The following MYO9A variants were observed in gnomAD, a reference collection of about 807,000 sequenced individuals.
The protein encoded by MYO9A is myosin IXA, also known as unconventional myosin-IXa.
Under a neutral mutation model 293.3 loss-of-function variants are expected in MYO9A, and 103 were observed. The ratio of observed to expected loss-of-function variants is 0.35; its 90% confidence interval spans 0.30 to 0.41. The LOEUF (loss-of-function observed/expected upper bound fraction) is 0.41. MYO9A is among the 10% of genes least tolerant of loss of function. The probability of loss-of-function intolerance (pLI) is 1.00; values close to 1 mark genes in which losing one functional copy is unlikely to be tolerated. For synonymous variants in MYO9A, 1,001 were observed against 1,035.7 expected, an observed-to-expected ratio of 0.97 and a Z score of 0.64; for missense variants, 2,685 against 3,033.0, an observed-to-expected ratio of 0.89 and a Z score of 2.69.
intron 1 of MYO9A, among the ~76,000 whole-genome samples, chr15:72,049,657 T>C (rs2078494993): frequency 6.6e-6 from 1 of 152,208 alleles, no homozygotes; most frequent in Non-Finnish European, 1.5e-5. Flanking sequence ...CAGCATGAGA[T>C]TGTCATAGAA....
rs372196821 is a variant in MYO9A, at chr15:71,918,495, C to A, written c.2563-2003G>T. 2.3e-4 allele frequency among the ~76,000 whole-genome samples: 35 copies of A among 149,918 alleles called. 1 individual carries two copies. In the South Asian group the frequency reaches 3.0e-3, roughly 13 times the overall value. On this transcript the variant is annotated intron_variant, in intron 18 of 41. Transcript: ENST00000356056. ...GAAAATATTTGTAAGCACTATTGAT[C>A]AAAAAAAAAGCCATGTAAAACAACA...
At position 71,880,343 on chromosome 15, in the gene MYO9A, G is replaced by A. The variant is rs1337081619; in HGVS notation, c.5614C>T (p.Leu1872=). The change falls in exon 29 of 42, where the codon CTG becomes TTG. Residue 1872 remains leucine (L), a synonymous_variant. Coordinates refer to ENST00000356056, the MANE Select transcript of MYO9A (RefSeq NM_006901.4). ...TGGCAAATAAAGTGTACCTTTTTCA[G>A]AAGAAATTCATCCATGCTTTTTAAA... is the stretch of plus-strand genomic sequence containing the variant. The part of the protein sequence containing the change: ...SDLKSMDEFL[L]KKVNDLDNED... The A allele has an allele frequency of 6.2e-7, 1 of 1,614,054 alleles. No homozygotes were observed. The highest frequency in any genetic ancestry group is 1.1e-5 in the South Asian group (1 of 91,076).
intron 11 of MYO9A, among the ~76,000 whole-genome samples, chr15:71,990,061 G>A (rs1169254501): frequency 6.7e-6 from 1 of 149,402 alleles, no homozygotes; most frequent in East Asian, 2.0e-4. Context: ...AAACAACAAA[G>A]GTGCAATCAA....
chr15:71,827,910 G>T lies in MYO9A; in HGVS notation c.7157C>A (p.Ser2386Tyr), dbSNP rs1362634926. 2 of 1,613,640 alleles carry T rather than the reference G, an allele frequency of 1.2e-6. No homozygotes were observed. The highest frequency in any genetic ancestry group is 3.3e-5 in the Admixed American group (2 of 59,968). Reference sequence around the variant, plus strand: ...TGATTTCTCAGAGATAGCATATTCAGACTCCATATTCAAATTCTCTGAGCT... The same window carrying T: ...TGATTTCTCAGAGATAGCATATTCATACTCCATATTCAAATTCTCTGAGCT... ...ADSSENLNMESEYAISEKSER... is the reference protein window; with the variant it reads ...ADSSENLNMEYEYAISEKSER... The change falls in exon 41 of 42, where the codon TCT (serine) becomes TAT (tyrosine). Residue 2386 changes from serine (S) to tyrosine (Y), a missense_variant. Physicochemically the swap from Ser to Tyr is moderately radical, Grantham distance 144. This residue lies in a region of MYO9A where 350 missense variants were observed against 328.9 expected (regional missense o/e 1.06). Coordinates refer to ENST00000356056, the MANE Select transcript of MYO9A (RefSeq NM_006901.4).
chr15:71,982,670 C>T (rs1283983887), intron 11 of MYO9A, among the ~76,000 whole-genome samples: 1 of 152,258 alleles, frequency 6.6e-6, no homozygotes, highest in Non-Finnish European at 1.5e-5. Context: ...GCACTAATCT[C>T]ATCTTCTAGA....
At chr15:71,887,346 A>T (rs2057050202) in intron 27 of MYO9A, among the ~76,000 whole-genome samples, 1 of 152,168 alleles carries the variant, frequency 6.6e-6, no homozygotes, top group South Asian at 2.1e-4. Context: ...TTTTTAAGCT[A>T]AAGGCAATTA....
intron 28 of MYO9A, 95 bp from the exon 29 acceptor site, chr15:71,880,653 T>A: frequency 9.3e-7 from 1 of 1,080,206 alleles, no homozygotes; most frequent in Non-Finnish European, 1.3e-6. Flanking sequence ...AACAAGTCAC[T>A]GAAGGAAACA....
chr15:71,865,309 T>G (rs544580387), intron 32 of MYO9A, among the ~76,000 whole-genome samples: 4 of 152,252 alleles, frequency 2.6e-5, no homozygotes, highest in Admixed American at 1.3e-4. Context: ...AAAAATAATG[T>G]TCTGTGAAAA....
At chr15:71,914,278 T>C (rs192453739) in intron 19 of MYO9A, among the ~76,000 whole-genome samples, 10 of 152,322 alleles carry the variant, frequency 6.6e-5, no homozygotes, top group East Asian at 1.9e-4. Flanking sequence ...TTCTCAGAGA[T>C]TGGAGTCCCG....
intron 34 of MYO9A, among the ~76,000 whole-genome samples, chr15:71,858,083 C>T (rs1317723965): frequency 2.6e-5 from 4 of 152,292 alleles, no homozygotes; most frequent in Admixed American, 1.3e-4. Flanking sequence ...GCTGGAATGG[C>T]GATCATTAAA....
chr15:71,900,765 G>C (rs557055732), intron 23 of MYO9A, among the ~76,000 whole-genome samples: 1 of 152,234 alleles, frequency 6.6e-6, no homozygotes, highest in South Asian at 2.1e-4. Flanking sequence ...TTATGGAAAT[G>C]ATATAAATCA....
At chr15:71,911,439 G>A (rs1344010364) in intron 19 of MYO9A, among the ~76,000 whole-genome samples, 1 of 152,116 alleles carries the variant, frequency 6.6e-6, no homozygotes, top group African/African-American at 2.4e-5. Context: ...CTAGGGAAGA[G>A]AAAAATTTAG....
At chr15:72,021,570 C>T (rs2077503279) in intron 4 of MYO9A, among the ~76,000 whole-genome samples, 1 of 152,102 alleles carries the variant, frequency 6.6e-6, no homozygotes, top group Non-Finnish European at 1.5e-5. Flanking sequence ...TCTCTGTGAA[C>T]AGCCATATTC....
chr15:72,082,885 T>C (rs2079594058), intron 1 of MYO9A, among the ~76,000 whole-genome samples: 2 of 149,800 alleles, frequency 1.3e-5, no homozygotes, highest in African/African-American at 2.5e-5. Flanking sequence ...TACTAGATCA[T>C]GGTGGGTAAG....
chr15:72,101,467 C>T (rs398041504), intron 1 of MYO9A, among the ~76,000 whole-genome samples: 5 of 46,878 alleles, frequency 1.1e-4, no homozygotes, highest in Non-Finnish European at 4.2e-5. Context: ...AGGGAGGTGG[C>T]GGGGTCAGCC....
At chr15:72,023,987 G>A (rs1329978763) in intron 4 of MYO9A, among the ~76,000 whole-genome samples, 1 of 151,980 alleles carries the variant, frequency 6.6e-6, no homozygotes, top group African/African-American at 2.4e-5. Context: ...ATTAACAGCT[G>A]ATTTCTCATC....
chr15:71,974,366 A>G (rs1321952129), intron 12 of MYO9A, among the ~76,000 whole-genome samples: 1 of 152,204 alleles, frequency 6.6e-6, no homozygotes, highest in African/African-American at 2.4e-5. Flanking sequence ...CATGAGTGGG[A>G]CTAAAGGAGC....
chr15:71,956,328 A>ATAT (rs1555490908), intron 14 of MYO9A, among the ~76,000 whole-genome samples: 50 of 15,168 alleles, frequency 3.3e-3, no homozygotes, highest in East Asian at 7.7e-3. Context: ...AAAAAAAAAA[A>ATAT]AAATATATAT....
At chr15:71,987,959 G>C (rs1041998718) in intron 11 of MYO9A, among the ~76,000 whole-genome samples, 1 of 152,050 alleles carries the variant, frequency 6.6e-6, no homozygotes, top group African/African-American at 2.4e-5. Context: ...CTTCCAAGTA[G>C]TTTTGAACAC....
Sources: gnomAD v4.1 joint callset for allele counts (sites outside exome capture counted in the v4.1 genomes callset) on GRCh38, gnomAD v4.1.1 for gene constraint, gnomAD v4.1.1 regional missense constraint, MANE v1.5 for transcripts, NCBI Gene and HGNC (gene_info 2026-07-23, HGNC 2026-07-21) for gene names.